The following KAT6B variants were observed in gnomAD, a reference collection of about 807,000 sequenced individuals.
KAT6B encodes the protein lysine acetyltransferase 6B.
KAT6B carries 10 observed loss-of-function variants against 187.5 expected under a neutral mutation model. That is an observed-to-expected ratio of 0.05 (90% CI 0.03 to 0.09). The LOEUF (loss-of-function observed/expected upper bound fraction) is 0.09. Ranked by LOEUF, KAT6B falls within the 10% of genes least tolerant of loss-of-function variation. The pLI is 1.00. For missense variants in KAT6B, 1,952 were observed against 2,558.9 expected, an observed-to-expected ratio of 0.76 and a Z score of 5.12; for synonymous variants, 861 against 926.8, an observed-to-expected ratio of 0.93 and a Z score of 1.29.
chr10:74,993,330 C>T (rs574449272), intron 13 of KAT6B, among the ~76,000 whole-genome samples: 2 of 152,290 alleles, frequency 1.3e-5, no homozygotes, highest in South Asian at 2.1e-4. Context: ...CAAAATTTCC[C>T]GTACATTGTT....
At chr10:75,022,345 T>C (rs1845496311) in intron 16 of KAT6B, 114 bp downstream of exon 16, 2 of 1,135,736 alleles carry the variant, frequency 1.8e-6, no homozygotes, top group Non-Finnish European at 2.7e-6. Context: ...TCGTAGTTTA[T>C]GTGTACCCAG....
At chr10:74,831,278 CTCTT>C (rs1433109180) in intron 1 of KAT6B, among the ~76,000 whole-genome samples, 1 of 152,066 alleles carries the variant, frequency 6.6e-6, no homozygotes, top group Non-Finnish European at 1.5e-5. Context: ...CCTTTTCACT[CTCTT>C]TATGGTGTCT....
intron 3 of KAT6B, among the ~76,000 whole-genome samples, chr10:74,877,983 G>T (rs902044899): frequency 1.3e-5 from 2 of 151,270 alleles, no homozygotes; most frequent in Non-Finnish European, 2.9e-5. Context: ...AAACAAATAA[G>T]AAATATATAT....
At chr10:75,005,239 A>T in intron 13 of KAT6B, among the ~76,000 whole-genome samples, 1 of 147,504 alleles carries the variant, frequency 6.8e-6, no homozygotes, top group Non-Finnish European at 1.5e-5. Context: ...TTCTTTTGAG[A>T]CCGAGTCTTG....
intron 3 of KAT6B, among the ~76,000 whole-genome samples, chr10:74,893,719 C>T (rs1409083989): frequency 6.6e-6 from 1 of 152,174 alleles, no homozygotes; most frequent in Non-Finnish European, 1.5e-5. Flanking sequence ...ATCTGCCCAC[C>T]TCAGCCTCCC....
chr10:74,925,248 G>A (rs1589634602), intron 3 of KAT6B, among the ~76,000 whole-genome samples: 1 of 152,156 alleles, frequency 6.6e-6, no homozygotes, highest in East Asian at 1.9e-4. Flanking sequence ...TGCCATGTTG[G>A]CCAGGCTGGT....
chr10:74,988,960 A>T lies in KAT6B; in HGVS notation c.2536-59A>T, dbSNP rs911592293. The T allele has an allele frequency of 5.2e-6, 6 of 1,152,622 alleles. No homozygotes were observed. The African/African-American group carries it at 9.1e-5, about 18-fold the overall frequency. 71.4% of individuals were successfully genotyped at this position (1,152,622 alleles called of 1,614,324 possible). Reference sequence around the variant, plus strand: ...GTTTTACAAGGACAGTGGCAGGTGCAGGGAATTGCCCACTTCAGCAGGGCT... The same window carrying T: ...GTTTTACAAGGACAGTGGCAGGTGCTGGGAATTGCCCACTTCAGCAGGGCT... On this transcript the variant is annotated intron_variant, in intron 12 of 17. Coordinates refer to ENST00000287239, the MANE Select transcript of KAT6B (RefSeq NM_012330.4).
At chr10:74,919,151 G>A (rs1468576398) in intron 3 of KAT6B, among the ~76,000 whole-genome samples, 1 of 151,908 alleles carries the variant, frequency 6.6e-6, no homozygotes, top group African/African-American at 2.4e-5. Context: ...TGAACCTGGG[G>A]CATGGAGGTT....
chr10:75,022,022 A>C lies in KAT6B; in HGVS notation c.3163A>C (p.Thr1055Pro). 6.2e-7 allele frequency: 1 copy of C among 1,614,128 alleles called. No individual in the cohort carries two copies. Reference protein sequence around the residue: ...YLHSPESRPVTGERGQLLELS... With the variant: ...YLHSPESRPVPGERGQLLELS... Reference sequence around the variant, plus strand: ...GCATTCCCCGGAGAGCCGGCCAGTCACAGGGGAGCGAGGGCAGCTGCTGGA... The same window carrying C: ...GCATTCCCCGGAGAGCCGGCCAGTCCCAGGGGAGCGAGGGCAGCTGCTGGA... Residue 1055 changes from threonine (T) to proline (P), a missense_variant, in exon 16 of 18, where the codon ACA becomes CCA. By Grantham distance (38) the Thr-to-Pro change is conservative. Around this residue, in one of 9 missense-constraint regions of KAT6B, gnomAD observed 758 missense variants for 891.4 expected, o/e 0.85. Coordinates refer to ENST00000287239, the MANE Select transcript of KAT6B (RefSeq NM_012330.4).
intron 3 of KAT6B, among the ~76,000 whole-genome samples, chr10:74,874,093 A>G (rs1389020215): frequency 1.3e-5 from 2 of 152,328 alleles, no homozygotes; most frequent in East Asian, 3.9e-4. Context: ...GTAATGTTTC[A>G]TGAAACTTCT....
chr10:74,880,513 G>A (rs1460386861), intron 3 of KAT6B, among the ~76,000 whole-genome samples: 1 of 152,176 alleles, frequency 6.6e-6, no homozygotes, highest in African/African-American at 2.4e-5. Context: ...GCTATTATGA[G>A]TAGTAGTACT....
chr10:75,014,510 T>C (rs551766410), intron 13 of KAT6B, among the ~76,000 whole-genome samples: 110 of 152,322 alleles, frequency 7.2e-4, no homozygotes, highest in African/African-American at 2.6e-3. Context: ...CGTTATCTTT[T>C]AGATGAATTA....
Position 74,975,393 on chromosome 10 carries a change from G to C in KAT6B, c.1062-6G>C. 1 of 1,612,696 alleles carries C rather than the reference G, an allele frequency of 6.2e-7. No individual in the cohort carries two copies. The highest frequency in any genetic ancestry group is 8.5e-7 in the Non-Finnish European group (1 of 1,178,826). On this transcript the variant is annotated splice_polypyrimidine_tract_variant and splice_region_variant and intron_variant, in intron 7 of 17. Coordinates refer to ENST00000287239, the MANE Select transcript of KAT6B (RefSeq NM_012330.4). Reference sequence around the variant, plus strand: ...TGCTGATACTATTCTCTAAATTTCTGCCTAGGTCTGTAACCAGTGATGAAG... The same window carrying C: ...TGCTGATACTATTCTCTAAATTTCTCCCTAGGTCTGTAACCAGTGATGAAG...
intron 3 of KAT6B, among the ~76,000 whole-genome samples, chr10:74,860,603 T>G (rs187793665): frequency 9.2e-5 from 14 of 152,274 alleles, no homozygotes; most frequent in African/African-American, 2.9e-4. Context: ...TCTCATTTCT[T>G]CGGGCGAAAT....
Position 75,016,818 on chromosome 10 carries a change from T to G in KAT6B, c.2630-3764T>G, listed in dbSNP as rs377197738. ...TCACCAGGGGTGTACTGTACTTGTT[T>G]CAGATGCTTCAGGATAATACACCAG... On this transcript the variant is annotated intron_variant, in intron 13 of 17. Coordinates refer to ENST00000287239, the MANE Select transcript of KAT6B (RefSeq NM_012330.4). Among the ~76,000 whole-genome samples the G allele has an allele frequency of 3.2e-4, 48 of 152,232 alleles. 1 individual carries two copies. The South Asian group carries it at 8.9e-3, about 28-fold the overall frequency.
intron 3 of KAT6B, among the ~76,000 whole-genome samples, chr10:74,853,620 CTTT>C (rs542210569): frequency 1.6e-5 from 2 of 122,600 alleles, no homozygotes; most frequent in Non-Finnish European, 1.7e-5. Flanking sequence ...TAAGAAATGC[CTTT>C]TTTTTTTTTT....
chr10:74,836,425 T>C (rs765955370), intron 1 of KAT6B, among the ~76,000 whole-genome samples: 3 of 152,266 alleles, frequency 2.0e-5, no homozygotes, highest in Non-Finnish European at 4.4e-5. Flanking sequence ...TTGCTTCTTA[T>C]ATGTTCTGTC....
intron 9 of KAT6B, among the ~76,000 whole-genome samples, chr10:74,978,807 A>C (rs1344096854): frequency 6.6e-6 from 1 of 152,252 alleles, no homozygotes; most frequent in Non-Finnish European, 1.5e-5. Flanking sequence ...AGGAAACTGT[A>C]AGCTTCTGTA....
rs764565963 is a variant in KAT6B at position 75,028,818 on chromosome 10, C to T, written c.3994C>T (p.Pro1332Ser). 2.0e-5 allele frequency: 32 copies of T among 1,613,798 alleles called. No homozygotes were observed. The highest frequency in any genetic ancestry group is 1.6e-4 in the Middle Eastern group (1 of 6,084). ...AAACAGAAGGGAAGAAACATGTGCC[C>T]CTGTAAGTCCAAACACATCACCAGG... ...EENRREETCA[P>S]VSPNTSPGEK... is the part of the protein sequence containing the mutation. The change falls in exon 18 of 18, where the codon CCT becomes TCT. Residue 1332 changes from proline (P) to serine (S), a missense_variant. Around this residue, in one of 9 missense-constraint regions of KAT6B, gnomAD observed 758 missense variants for 891.4 expected, o/e 0.85. Transcript: ENST00000287239.
Sources: allele counts gnomAD v4.1 joint callset (sites outside exome capture counted in the v4.1 genomes callset), GRCh38; gene constraint gnomAD v4.1.1; regional missense constraint gnomAD v4.1.1; transcripts MANE v1.5; gene names NCBI Gene and HGNC (gene_info 2026-07-23, HGNC 2026-07-21).